OR10J1: variants seen among roughly 807,000 people sequenced by gnomAD.
OR10J1 encodes the protein olfactory receptor family 10 subfamily J member 1, also known as olfactory receptor 10J1.
For synonymous variants in OR10J1, 202 were observed against 143.8 expected (o/e 1.40, Z -2.89); for missense variants, 474 against 376.6 (o/e 1.26, Z -2.14).
the OR10J1 span, chr1:159,432,133 A>T: frequency 2.5e-6 from 1 of 399,890 alleles, no homozygotes; most frequent in Admixed American, 4.4e-5. Flanking sequence ...ACGATCCTGG[A>T]CCAGCCTACT....
chr1:159,410,364 C>G, the OR10J1 span, among the ~76,000 whole-genome samples: 1 of 152,130 alleles, frequency 6.6e-6, no homozygotes, highest in Non-Finnish European at 1.5e-5. Flanking sequence ...TGATTATTGC[C>G]ACAATTTCAG....
At chr1:159,425,196 T>C in the OR10J1 span, among the ~76,000 whole-genome samples, 3 of 152,160 alleles carry the variant, frequency 2.0e-5, no homozygotes, top group Non-Finnish European at 4.4e-5. Flanking sequence ...ACATCCCATG[T>C]TCTTGTTCTC....
chr1:159,398,977 C>A, the OR10J1 span, among the ~76,000 whole-genome samples: 1 of 151,744 alleles, frequency 6.6e-6, no homozygotes, highest in Non-Finnish European at 1.5e-5. Context: ...AAGACTACCT[C>A]GAGGCATTTA....
At chr1:159,408,948 A>G in the OR10J1 span, among the ~76,000 whole-genome samples, 2 of 152,066 alleles carry the variant, frequency 1.3e-5, no homozygotes, top group Non-Finnish European at 2.9e-5. Context: ...GGGAACTGCT[A>G]TAAGGAAGAA....
At chr1:159,399,854 G>A in the OR10J1 span, among the ~76,000 whole-genome samples, 2 of 151,990 alleles carry the variant, frequency 1.3e-5, no homozygotes, top group East Asian at 1.9e-4. Flanking sequence ...TAGAAACAAT[G>A]AAAAGTTAAA....
chr1:159,430,668 T>TGTGTGTGTGTGCGC, the OR10J1 span, among the ~76,000 whole-genome samples: 495 of 69,678 alleles, frequency 7.1e-3, 2 homozygotes, highest in South Asian at 0.031. Context: ...TGTGTGTGTG[T>TGTGTGTGTGTGCGC]GCGCGCGCGC....
At chr1:159,417,816 C>T in the OR10J1 span, among the ~76,000 whole-genome samples, 1 of 152,144 alleles carries the variant, frequency 6.6e-6, no homozygotes, top group East Asian at 1.9e-4. Context: ...TTGGAACTAC[C>T]TAGAAACATA....
At chr1:159,434,962 C>G (rs965179904), upstream of OR10J1, among the ~76,000 whole-genome samples, 11 of 152,100 alleles carry the variant, frequency 7.2e-5, no homozygotes, top group Non-Finnish European at 1.5e-4. Context: ...TCCCTTTTAC[C>G]TAGGAGGTCT....
upstream of OR10J1, chr1:159,433,019 C>CT (rs1379700680): frequency 4.5e-6 from 2 of 443,980 alleles, no homozygotes; most frequent in African/African-American, 4.0e-5. Flanking sequence ...GCAGGACAGA[C>CT]TTATCTCTGT....
upstream of OR10J1, among the ~76,000 whole-genome samples, chr1:159,434,029 T>C (rs1363567413): frequency 6.6e-6 from 1 of 152,224 alleles, no homozygotes; most frequent in Non-Finnish European, 1.5e-5. Context: ...TGACATCTCC[T>C]TTTGGTACAT....
At chr1:159,432,822 T>A in the OR10J1 span, 1 of 405,460 alleles carries the variant, frequency 2.5e-6, no homozygotes, top group East Asian at 3.5e-5. Flanking sequence ...AGTCTCTGTG[T>A]CCTTGTTCTG....
chr1:159,411,987 A>G, the OR10J1 span, among the ~76,000 whole-genome samples: 1 of 152,178 alleles, frequency 6.6e-6, no homozygotes, highest in Non-Finnish European at 1.5e-5. Flanking sequence ...ACTTCAGCAA[A>G]TACTCAGGAT....
chr1:159,411,953 A>C, the OR10J1 span, among the ~76,000 whole-genome samples: 2 of 152,136 alleles, frequency 1.3e-5, no homozygotes, highest in African/African-American at 2.4e-5. Context: ...CTCTCAGCCC[A>C]AAATCTCCTT....
the OR10J1 span, among the ~76,000 whole-genome samples, chr1:159,422,253 G>A: frequency 6.6e-6 from 1 of 152,148 alleles, no homozygotes; most frequent in Non-Finnish European, 1.5e-5. Flanking sequence ...CTTTTGTAGG[G>A]AGAGACAGGG....
the OR10J1 span, among the ~76,000 whole-genome samples, chr1:159,424,169 T>C: frequency 6.7e-6 from 1 of 149,428 alleles, no homozygotes; most frequent in East Asian, 2.0e-4. Context: ...TGAGCAGAGA[T>C]CATGCCACTG....
At chr1:159,413,292 G>T in the OR10J1 span, among the ~76,000 whole-genome samples, 2 of 151,952 alleles carry the variant, frequency 1.3e-5, no homozygotes, top group Admixed American at 6.6e-5. Flanking sequence ...GATTCCTCAG[G>T]GATCTAGAAC....
chr1:159,397,737 A>G, the OR10J1 span, among the ~76,000 whole-genome samples: 1 of 152,186 alleles, frequency 6.6e-6, no homozygotes, highest in Non-Finnish European at 1.5e-5. Flanking sequence ...CTGCAATATA[A>G]TAGAATACCA....
chr1:159,437,505 A>G (rs1655770508), upstream of OR10J1, among the ~76,000 whole-genome samples: 1 of 152,220 alleles, frequency 6.6e-6, no homozygotes, highest in Non-Finnish European at 1.5e-5. Flanking sequence ...AATAAAAAAT[A>G]AACCACATGC....
chr1:159,397,858 C>T, the OR10J1 span, among the ~76,000 whole-genome samples: 2 of 152,158 alleles, frequency 1.3e-5, no homozygotes, highest in Non-Finnish European at 2.9e-5. Context: ...ACAGGCCTGG[C>T]TGTCTTTGCT....
Sources: gnomAD v4.1 joint callset for allele counts (sites outside exome capture counted in the v4.1 genomes callset) on GRCh38, gnomAD v4.1.1 for gene constraint, MANE v1.5 for transcripts, NCBI Gene and HGNC (gene_info 2026-07-23, HGNC 2026-07-21) for gene names.